TUT7: variants seen among roughly 807,000 people sequenced by gnomAD.
The protein encoded by TUT7 is terminal uridylyltransferase 7.
TUT7 carries 33 observed loss-of-function variants against 165.9 expected under a neutral mutation model. The observed-to-expected ratio is 0.20, with a 90% CI of 0.15 to 0.27. TUT7 has a LOEUF of 0.27. Among genes scored for constraint, TUT7 ranks in the 10% least tolerant of loss-of-function variants. The pLI, the probability that TUT7 is intolerant of heterozygous loss-of-function variation, is 1.00. For missense variants in TUT7, 1,338 were observed against 1,762.3 expected (o/e 0.76, Z 4.31); for synonymous variants, 552 against 608.1 (o/e 0.91, Z 1.36).
chr9:86,291,477 C>G (rs1456924578), intron 26 of TUT7, among the ~76,000 whole-genome samples: 1 of 149,354 alleles, frequency 6.7e-6, no homozygotes, highest in Non-Finnish European at 1.5e-5. Context: ...AGACAGGAGG[C>G]AGGAGAATCG....
At chr9:86,312,205 A>G (rs1828181098) in intron 17 of TUT7, among the ~76,000 whole-genome samples, 1 of 144,092 alleles carries the variant, frequency 6.9e-6, no homozygotes, top group Non-Finnish European at 1.5e-5. Context: ...CATCCCATCT[A>G]GGAAGTGAGG....
chr9:86,318,785 C>T (rs1490043267), intron 16 of TUT7, among the ~76,000 whole-genome samples, 173 bp downstream of exon 16: 1 of 152,204 alleles, frequency 6.6e-6, no homozygotes, highest in Admixed American at 6.5e-5. Flanking sequence ...CTGCTCCTCA[C>T]ATTCCTCACA....
At chr9:86,305,979 TGTGAGGTGTGA>T (rs1489897366) in intron 22 of TUT7, among the ~76,000 whole-genome samples, 1 of 152,216 alleles carries the variant, frequency 6.6e-6, no homozygotes, top group Non-Finnish European at 1.5e-5. Flanking sequence ...CAAAGATTTA[TGTGAGGTGTGA>T]ATAAACTGTC....
intron 2 of TUT7, among the ~76,000 whole-genome samples, chr9:86,347,547 A>G (rs897821049): frequency 6.6e-6 from 1 of 152,218 alleles, no homozygotes; most frequent in African/African-American, 2.4e-5. Flanking sequence ...AAGGAAATAT[A>G]GGACCTCCAA....
In TUT7 at chr9:86,337,515, T is replaced by C; in HGVS notation, c.1359A>G (p.Glu453=). 1 of 1,613,342 alleles carries C rather than the reference T, an allele frequency of 6.2e-7. No individual in the cohort carries two copies. The highest frequency in any genetic ancestry group is 8.5e-7 in the Non-Finnish European group (1 of 1,179,722). The part of the protein sequence containing the change: ...WAKLCSIDRP[E]EGGLPPYVFA... The stretch of plus-strand genomic sequence containing the variant: ...ACACATAAGGTGGCAGACCTCCTTC[T>C]TCAGGGCGATCTATACTGCAAAGCT... Residue 453 remains glutamate (E), a synonymous_variant, in exon 10 of 27, where the codon GAA becomes GAG. Coordinates refer to ENST00000375963, the MANE Select transcript of TUT7 (RefSeq NM_024617.4).
At chr9:86,327,325 T>A in intron 11 of TUT7, among the ~76,000 whole-genome samples, 1 of 152,240 alleles carries the variant, frequency 6.6e-6, no homozygotes, top group East Asian at 1.9e-4. Context: ...ACATTTTCTT[T>A]TTCAAATAAA....
chr9:86,290,612 C>T (rs549651833), intron 26 of TUT7, among the ~76,000 whole-genome samples: 3 of 147,742 alleles, frequency 2.0e-5, no homozygotes, highest in South Asian at 2.1e-4. Flanking sequence ...GAGGCCAAGG[C>T]GGGCAGACTG....
At chr9:86,340,915 G>T in intron 7 of TUT7, 87 bp downstream of exon 7, 2 of 998,210 alleles carry the variant, frequency 2.0e-6, no homozygotes, top group Non-Finnish European at 3.1e-6. Flanking sequence ...TTAAAAGCAT[G>T]CCTTGCTATT....
intron 10 of TUT7, among the ~76,000 whole-genome samples, chr9:86,335,751 TCTTCA>T: frequency 6.6e-6 from 1 of 152,340 alleles, no homozygotes; most frequent in East Asian, 1.9e-4. Flanking sequence ...AGTTCCATTC[TCTTCA>T]CTTCCTAACT....
At position 86,345,749 on chromosome 9, in the gene TUT7, T is replaced by C. The variant is rs1411885801; in HGVS notation, c.739A>G (p.Arg247Gly). The change falls in exon 4 of 27, where the codon AGA (arginine) becomes GGA (glycine). Residue 247 changes from arginine to glycine, a missense_variant. Physicochemically the swap from Arg to Gly is moderately radical, Grantham distance 125. This residue lies in a region of TUT7 where 434 missense variants were observed against 480.8 expected (regional missense o/e 0.90). Transcript: ENST00000375963. The part of the protein sequence containing the change: ...RNYPTAKYTC[R>G]LCDVLIESIA... The stretch of plus-strand genomic sequence containing the variant: ...GATTCAATTAAAACATCACAGAGTC[T>C]GCAGGTGTACTTTGCTGTAGGGTAG... The C allele has an allele frequency of 1.7e-5, 28 of 1,613,704 alleles. 2 individuals carry two copies. The highest frequency in any genetic ancestry group is 2.2e-5 in the Non-Finnish European group (26 of 1,179,764).
Position 86,301,431 on chromosome 9 carries a change from C to T in TUT7, c.4265G>A (p.Arg1422Gln), listed in dbSNP as rs201306794. 92 of 1,614,002 alleles carry T rather than the reference C, an allele frequency of 5.7e-5. 1 individual carries two copies. Among genetic ancestry groups the T allele is most frequent in the East Asian group, 1.1e-4 (5 of 44,886 alleles). ...CTCCCTCCCCAGGTCAGCAGCTGCCCGCATTGGCTTGGCTTTCTGAGGTGT... is the reference window on the plus strand; with the variant it reads ...CTCCCTCCCCAGGTCAGCAGCTGCCTGCATTGGCTTGGCTTTCTGAGGTGT... Reference protein sequence around the residue: ...QCTPQKAKPMRAAADLGREKI... With the variant: ...QCTPQKAKPMQAAADLGREKI... The change falls in exon 26 of 27, where the codon CGG (arginine) becomes CAG (glutamine). Residue 1422 changes from arginine to glutamine, a missense_variant. Physicochemically the swap from Arg to Gln is conservative, Grantham distance 43. This residue lies in a region of TUT7 where 167 missense variants were observed against 204.9 expected (regional missense o/e 0.82). Transcript: ENST00000375963.
Position 86,311,335 on chromosome 9 carries a change from GA to G in TUT7, c.3275-527del, listed in dbSNP as rs552255982. Reference sequence around the variant, plus strand: ...TGAGCTAAGCTTTGAAAAAGAGGGAGAAAAACCAGCAAAAATAGTGGCAGTT... The same window carrying G: ...TGAGCTAAGCTTTGAAAAAGAGGGAGAAAACCAGCAAAAATAGTGGCAGTT... On this transcript the variant is annotated intron_variant, in intron 17 of 26. Transcript: ENST00000375963. This position sits in a 1 kb window ranked among gnomAD's most constrained non-coding sequence, Gnocchi z 4.4. Among the ~76,000 whole-genome samples the G allele has an allele frequency of 6.6e-6, 1 of 152,262 alleles. No homozygotes were observed. Among genetic ancestry groups the G allele is most frequent in the South Asian group, 2.1e-4 (1 of 4,822 alleles).
rs778373059 is a variant in TUT7, at chr9:86,352,566, G to T, written c.520+114C>A. The T allele has an allele frequency of 1.5e-5, 19 of 1,260,540 alleles. No homozygotes were observed. The South Asian group carries it at 2.1e-4, about 14-fold the overall frequency. The allele number at this position is 1,260,540 out of a possible 1,614,324, so 78.1% of individuals were successfully genotyped here. ...CACTAAGTGACCATTTCTTAAAACA[G>T]AAACTGTGAAAAACTGAAACTAAAT... On this transcript the variant is annotated intron_variant, in intron 2 of 26. Transcript: ENST00000375963.
At position 86,338,895 on chromosome 9, in the gene TUT7, C is replaced by T. The variant is rs557495532; in HGVS notation, c.1263G>A (p.Lys421=). The T allele has an allele frequency of 2.7e-5, 44 of 1,611,686 alleles. No individual in the cohort carries two copies. The highest frequency in any genetic ancestry group is 3.6e-5 in the Non-Finnish European group (43 of 1,178,962). Residue 421 remains lysine, a synonymous_variant, in exon 9 of 27, where the codon AAG becomes AAA. Coordinates refer to ENST00000375963, the MANE Select transcript of TUT7 (RefSeq NM_024617.4). ...CTAGTTTTCCAAGGGCAGTTAAATGCTTTGTTGTCAGACAAGCATTTTCAT... is the reference window on the plus strand; with the variant it reads ...CTAGTTTTCCAAGGGCAGTTAAATGTTTTGTTGTCAGACAAGCATTTTCAT... ...AGNENACLTT[K]HLTALGKLEP...
At position 86,345,778 on chromosome 9, in the gene TUT7, C is replaced by T. The variant is rs139153052; in HGVS notation, c.710G>A (p.Arg237Gln). The change falls in exon 4 of 27, where the codon CGA becomes CAA. Residue 237 changes from arginine to glutamine, a missense_variant. Transcript: ENST00000375963. ...DCIDRLKRRPRNYPTAKYTCR... is the reference protein window; with the variant it reads ...DCIDRLKRRPQNYPTAKYTCR... ...GGTGTACTTTGCTGTAGGGTAGTTT[C>T]GTGGTCGCTATAATTTGAAGAGATT... 1.2e-5 allele frequency: 20 copies of T among 1,606,556 alleles called. No homozygotes were observed. In the African/African-American group the frequency reaches 1.7e-4, roughly 14 times the overall value.
At chr9:86,342,825 C>T (rs1831428840) in intron 6 of TUT7, among the ~76,000 whole-genome samples, 1 of 152,006 alleles carries the variant, frequency 6.6e-6, no homozygotes. Context: ...AGTAACAGAA[C>T]CTAAACACCC....
intron 10 of TUT7, among the ~76,000 whole-genome samples, chr9:86,333,008 T>C (rs1045223577): frequency 3.9e-5 from 6 of 152,208 alleles, no homozygotes; most frequent in Non-Finnish European, 5.9e-5. Context: ...TTCATTTTCT[T>C]TTCCTTTGAG....
At position 86,327,563 on chromosome 9, in the gene TUT7, T is replaced by C. The variant is rs1168091984; in HGVS notation, c.1608+777A>G. Among the ~76,000 whole-genome samples, 4 of 152,192 alleles carry C rather than the reference T, an allele frequency of 2.6e-5. No homozygotes were observed. In the East Asian group the frequency reaches 7.7e-4, roughly 29 times the overall value. ...CTCCACAGCCTATACTCTTCTCCACTACAGAGACTCCAAATAAGAAACAGA... is the reference window on the plus strand; with the variant it reads ...CTCCACAGCCTATACTCTTCTCCACCACAGAGACTCCAAATAAGAAACAGA... On this transcript the variant is annotated intron_variant, in intron 11 of 26. Transcript: ENST00000375963.
intron 10 of TUT7, among the ~76,000 whole-genome samples, chr9:86,332,854 T>C (rs900610464): frequency 6.6e-6 from 1 of 152,220 alleles, no homozygotes; most frequent in African/African-American, 2.4e-5. Flanking sequence ...TTGGTTCTTT[T>C]GATATTTCCT....
Sources: allele counts gnomAD v4.1 joint callset (sites outside exome capture counted in the v4.1 genomes callset), GRCh38; gene constraint gnomAD v4.1.1; regional missense constraint gnomAD v4.1.1; non-coding constraint Gnocchi (gnomAD v3.1); transcripts MANE v1.5; gene names NCBI Gene and HGNC (gene_info 2026-07-23, HGNC 2026-07-21).